The following PAQR8 variants were observed in gnomAD, a reference collection of about 807,000 sequenced individuals.
The protein encoded by PAQR8 is progestin and adipoQ receptor family member 8.
Under a neutral mutation model 25.2 loss-of-function variants are expected in PAQR8, and 17 were observed. The observed-to-expected ratio is 0.67, with a 90% CI of 0.46 to 1.01. The LOEUF is 1.01. Ranked by LOEUF, PAQR8 falls within the 50% of genes least tolerant of loss-of-function variation. The probability of loss-of-function intolerance (pLI) is 0.00; values close to 1 mark genes in which losing one functional copy is unlikely to be tolerated. For synonymous variants in PAQR8, 204 were observed against 190.6 expected, an observed-to-expected ratio of 1.07 and a Z score of -0.58; for missense variants, 392 against 448.4, an observed-to-expected ratio of 0.87 and a Z score of 1.14.
chr6:52,398,117 G>C (rs1404399709), intron 1 of PAQR8, among the ~76,000 whole-genome samples: 1 of 152,074 alleles, frequency 6.6e-6, no homozygotes, highest in East Asian at 1.9e-4. Context: ...CAGAGGAAGA[G>C]GTGGTTGCTA....
In PAQR8 at chr6:52,404,957, A is replaced by G. The variant is rs1465637373; in HGVS notation, c.*679A>G. 2 of 167,070 alleles carry G rather than the reference A, an allele frequency of 1.2e-5. No individual in the cohort carries two copies. The highest frequency in any genetic ancestry group is 2.4e-5 in the African/African-American group (1 of 41,480). The allele number at this position is 167,070 out of a possible 1,614,324, so 10.3% of individuals were successfully genotyped here. A position where few individuals can be genotyped will look rare whatever the true frequency, so the allele number is the denominator to read the frequency against. Reference sequence around the variant, plus strand: ...CTAGGAAGCAGTCATACTTCCAGGAAATGCTTGGATTCATGTGGACATTCA... The same window carrying G: ...CTAGGAAGCAGTCATACTTCCAGGAGATGCTTGGATTCATGTGGACATTCA... On this transcript the variant is annotated 3_prime_UTR_variant, in exon 2 of 2. Coordinates refer to ENST00000442253, the MANE Select transcript of PAQR8 (RefSeq NM_133367.5).
chr6:52,369,804 C>CT (rs1285584895), intron 1 of PAQR8, among the ~76,000 whole-genome samples: 2 of 152,272 alleles, frequency 1.3e-5, no homozygotes, highest in African/African-American at 4.8e-5. Context: ...CCCATCTTAG[C>CT]TTTTTTATTC....
chr6:52,367,153 G>A (rs897241401), intron 1 of PAQR8, among the ~76,000 whole-genome samples: 11 of 152,274 alleles, frequency 7.2e-5, no homozygotes, highest in African/African-American at 2.2e-4. Context: ...TACCTGGAGG[G>A]GGAGGGATGT....
At chr6:52,366,220 A>G (rs1027365644) in intron 1 of PAQR8, among the ~76,000 whole-genome samples, 4 of 152,128 alleles carry the variant, frequency 2.6e-5, no homozygotes, top group Admixed American at 6.5e-5. Context: ...CTTAATTTTA[A>G]TCAGATGATT....
intron 1 of PAQR8, among the ~76,000 whole-genome samples, chr6:52,402,660 G>T (rs571746644): frequency 6.6e-6 from 1 of 151,238 alleles, no homozygotes; most frequent in Admixed American, 6.6e-5. Context: ...AAAGAATATT[G>T]GGACAGTAAG....
At chr6:52,383,123 A>G (rs1471735847) in intron 1 of PAQR8, among the ~76,000 whole-genome samples, 4 of 152,258 alleles carry the variant, frequency 2.6e-5, no homozygotes, top group Non-Finnish European at 5.9e-5. Context: ...AGATACACTA[A>G]TATATTTATA....
chr6:52,395,752 G>C (rs1763760540), intron 1 of PAQR8, among the ~76,000 whole-genome samples: 1 of 152,104 alleles, frequency 6.6e-6, no homozygotes, highest in Non-Finnish European at 1.5e-5. Flanking sequence ...TTTGCCTCTT[G>C]AAAGTACTAT....
chr6:52,365,142 A>C (rs1763337293), intron 1 of PAQR8, among the ~76,000 whole-genome samples: 1 of 152,168 alleles, frequency 6.6e-6, no homozygotes, highest in African/African-American at 2.4e-5. Flanking sequence ...ACCAAAAAAA[A>C]AAAGGTACCC....
chr6:52,395,085 G>T (rs528064223), intron 1 of PAQR8, among the ~76,000 whole-genome samples: 29 of 151,976 alleles, frequency 1.9e-4, no homozygotes, highest in African/African-American at 5.5e-4. Context: ...TGACTAATAT[G>T]GTAAAACTCT....
intron 1 of PAQR8, among the ~76,000 whole-genome samples, chr6:52,380,038 G>A (rs1763540337): frequency 6.6e-6 from 1 of 152,238 alleles, no homozygotes; most frequent in Admixed American, 6.5e-5. Flanking sequence ...TGGGATTACA[G>A]GCGTGAGCCA....
At chr6:52,371,253 A>G (rs1763416359) in intron 1 of PAQR8, among the ~76,000 whole-genome samples, 1 of 152,164 alleles carries the variant, frequency 6.6e-6, no homozygotes, top group Non-Finnish European at 1.5e-5. Flanking sequence ...AAGACCACTG[A>G]AGTCTTTGCT....
intron 1 of PAQR8, among the ~76,000 whole-genome samples, chr6:52,384,352 T>G (rs907600392): frequency 6.6e-6 from 1 of 152,108 alleles, no homozygotes; most frequent in Non-Finnish European, 1.5e-5. Context: ...ATGAAAGGTG[T>G]AATCAAGGTG....
rs3799274 is a variant in PAQR8 at position 52,404,248 on chromosome 6, C to G, written c.1035C>G (p.Val345=). The G allele has an allele frequency of 0.13, 202,633 of 1,603,562 alleles. 13,767 individuals are homozygous for G. The highest frequency in any genetic ancestry group is 0.25 in the Middle Eastern group (1,480 of 6,038). ...CCGCAGCCCTTCTGAGGCACAAAGT[C>G]AAGGCCAGACTGACCAAGAAAGATT... The part of the protein sequence containing the change: ...AATAALLRHK[V]KARLTKKDS Residue 345 remains valine, a synonymous_variant, in exon 2 of 2, where the codon GTC becomes GTG. Transcript: ENST00000442253.
Position 52,403,262 on chromosome 6 carries a change from C to G in PAQR8, c.49C>G (p.Gln17Glu), listed in dbSNP as rs1355419723. Residue 17 changes from glutamine to glutamate, a missense_variant, in exon 2 of 2, where the codon CAG becomes GAG. Gln to Glu is a conservative substitution (Grantham distance 29, BLOSUM62 2). Transcript: ENST00000442253. ...ERLSTLSVSGQQLRRLPKILE... is the reference protein window; with the variant it reads ...ERLSTLSVSGEQLRRLPKILE... ...CCTGAGCACCCTGTCGGTCAGCGGG[C>G]AGCAGCTGCGCCGCCTGCCCAAGAT... 2 of 1,611,192 alleles carry G rather than the reference C, an allele frequency of 1.2e-6. No homozygotes were observed. Among genetic ancestry groups the G allele is most frequent in the Non-Finnish European group, 1.7e-6 (2 of 1,177,940 alleles).
intron 1 of PAQR8, among the ~76,000 whole-genome samples, chr6:52,400,014 CTTTTT>C (rs1763812232): frequency 1.3e-5 from 2 of 152,276 alleles, no homozygotes; most frequent in African/African-American, 2.4e-5. Context: ...TTTTTCTTTT[CTTTTT>C]GTTTTCAAAT....
Position 52,390,774 on chromosome 6 carries a change from C to T in PAQR8, c.-52-12388C>T, listed in dbSNP as rs75816867. ...CTATGGCAAGTATAGTTAGGTTACT[C>T]GTAATAATTAATTTGGTATGCTAAC... On this transcript the variant is annotated intron_variant, in intron 1 of 1. Coordinates refer to ENST00000442253, the MANE Select transcript of PAQR8 (RefSeq NM_133367.5). Among the ~76,000 whole-genome samples, 499 of 152,194 alleles carry T rather than the reference C, an allele frequency of 3.3e-3. 3 individuals are homozygous for T. The highest frequency in any genetic ancestry group is 0.012 in the African/African-American group (483 of 41,516).
At chr6:52,368,017 C>A (rs1763372869) in intron 1 of PAQR8, among the ~76,000 whole-genome samples, 2 of 151,962 alleles carry the variant, frequency 1.3e-5, no homozygotes, top group African/African-American at 4.8e-5. Flanking sequence ...TCGCTTGAGC[C>A]CCAGGAGTTC....
intron 1 of PAQR8, among the ~76,000 whole-genome samples, chr6:52,376,651 C>T: frequency 6.6e-6 from 1 of 152,090 alleles, no homozygotes; most frequent in East Asian, 1.9e-4. Context: ...TTAGAGCTTA[C>T]CCCCACCCCA....
chr6:52,384,978 T>A (rs1763612876), intron 1 of PAQR8, among the ~76,000 whole-genome samples: 1 of 152,228 alleles, frequency 6.6e-6, no homozygotes, highest in African/African-American at 2.4e-5. Context: ...AGAATGAAAC[T>A]GGTCTCCTAC....
Sources: allele counts gnomAD v4.1 joint callset (sites outside exome capture counted in the v4.1 genomes callset), GRCh38; gene constraint gnomAD v4.1.1; transcripts MANE v1.5; gene names NCBI Gene and HGNC (gene_info 2026-07-23, HGNC 2026-07-21).